Variants in LRRC4C observed in about 807,000 individuals in gnomAD.
LRRC4C encodes the protein leucine-rich repeat-containing protein 4C.
LRRC4C carries 5 observed loss-of-function variants against 33.6 expected under a neutral mutation model. That is an observed-to-expected ratio of 0.15 (90% CI 0.08 to 0.31). The LOEUF (loss-of-function observed/expected upper bound fraction) is 0.31, where lower values mean the gene tolerates loss of function less well. Ranked by LOEUF, LRRC4C falls within the 10% of genes least tolerant of loss-of-function variation. LRRC4C has a pLI of 1.00. For synonymous variants in LRRC4C, 329 were observed against 302.0 expected, an observed-to-expected ratio of 1.09 and a Z score of -0.93; for missense variants, 560 against 796.7, an observed-to-expected ratio of 0.70 and a Z score of 3.58.
intron 1 of LRRC4C, among the ~76,000 whole-genome samples, chr11:40,934,417 C>T (rs896091577): frequency 3.9e-5 from 6 of 152,102 alleles, no homozygotes; most frequent in Non-Finnish European, 5.9e-5. Flanking sequence ...TGTGTGCACT[C>T]GTGTGTTTAC....
At chr11:41,021,214 A>AGTGTGTGTGT (rs540703685) in intron 1 of LRRC4C, among the ~76,000 whole-genome samples, 22 of 134,060 alleles carry the variant, frequency 1.6e-4, no homozygotes, top group African/African-American at 6.3e-4. Context: ...AGAGAGAGAG[A>AGTGTGTGTGT]GTGTGTGTGT....
chr11:40,761,931 A>G (rs1949234542), intron 2 of LRRC4C, among the ~76,000 whole-genome samples: 1 of 152,124 alleles, frequency 6.6e-6, no homozygotes, highest in Admixed American at 6.6e-5. Context: ...GTATACTACC[A>G]TTTTATCTAT....
chr11:40,755,853 A>G (rs141331781), intron 2 of LRRC4C, among the ~76,000 whole-genome samples: 2 of 152,224 alleles, frequency 1.3e-5, no homozygotes, highest in African/African-American at 4.8e-5. Context: ...TATATTTGTT[A>G]TGGGCTAAAT....
intron 2 of LRRC4C, among the ~76,000 whole-genome samples, chr11:40,917,743 C>T (rs1488611958): frequency 1.3e-5 from 2 of 152,010 alleles, no homozygotes; most frequent in Non-Finnish European, 2.9e-5. Context: ...TAAAGGAGAA[C>T]CACAGCATTC....
At chr11:40,353,441 G>A (rs2137103589) in intron 3 of LRRC4C, among the ~76,000 whole-genome samples, 1 of 152,186 alleles carries the variant, frequency 6.6e-6, no homozygotes, top group South Asian at 2.1e-4. Context: ...TTTCAGGCCA[G>A]GTGCAGTGGC....
intron 5 of LRRC4C, among the ~76,000 whole-genome samples, chr11:40,224,189 T>C (rs1250966596): frequency 6.6e-6 from 1 of 152,240 alleles, no homozygotes; most frequent in Non-Finnish European, 1.5e-5. Flanking sequence ...CTTTTTATTC[T>C]ATAGAGGCTG....
Position 40,298,978 on chromosome 11 carries a change from C to G in LRRC4C, c.-176+20650G>C, listed in dbSNP as rs144784718. 4.9e-4 allele frequency among the ~76,000 whole-genome samples: 74 copies of G among 152,258 alleles called. 1 individual carries two copies. Among genetic ancestry groups the G allele is most frequent in the African/African-American group, 1.1e-3 (45 of 41,556 alleles). On this transcript the variant is annotated intron_variant, in intron 4 of 6. Coordinates refer to ENST00000528697, the MANE Select transcript of LRRC4C (RefSeq NM_001258419.2). ...GGCAATTACAATTTGGATTACAATT[C>G]AAGATGAGATTTGGGTGGGGATGCA...
At chr11:40,888,053 G>A (rs891354177) in intron 2 of LRRC4C, among the ~76,000 whole-genome samples, 3 of 151,854 alleles carry the variant, frequency 2.0e-5, no homozygotes, top group Non-Finnish European at 4.4e-5. Flanking sequence ...CTACTTCACT[G>A]AGTCTCCATT....
chr11:40,359,265 C>G (rs1001159883), intron 3 of LRRC4C, among the ~76,000 whole-genome samples: 1 of 152,174 alleles, frequency 6.6e-6, no homozygotes, highest in African/African-American at 2.4e-5. Flanking sequence ...AGCCAAACAT[C>G]CTATCTTCTG....
At chr11:40,645,041 A>T (rs1227614138) in intron 3 of LRRC4C, among the ~76,000 whole-genome samples, 1 of 152,042 alleles carries the variant, frequency 6.6e-6, no homozygotes, top group Non-Finnish European at 1.5e-5. Flanking sequence ...ACATCTACAT[A>T]TTTGTATCTC....
At chr11:40,654,042 G>T (rs938882165) in intron 2 of LRRC4C, among the ~76,000 whole-genome samples, 1 of 152,182 alleles carries the variant, frequency 6.6e-6, no homozygotes, top group African/African-American at 2.4e-5. Context: ...AAGAATTGAG[G>T]TTGGGGAACC....
chr11:41,377,606 A>G (rs2137850437), intron 1 of LRRC4C, among the ~76,000 whole-genome samples: 1 of 152,304 alleles, frequency 6.6e-6, no homozygotes, highest in Admixed American at 6.5e-5. Flanking sequence ...ACAAGACAGA[A>G]CTGAATCTCA....
intron 1 of LRRC4C, among the ~76,000 whole-genome samples, chr11:41,330,951 C>A (rs1951275737): frequency 6.6e-6 from 1 of 152,052 alleles, no homozygotes; most frequent in Non-Finnish European, 1.5e-5. Flanking sequence ...TTCTCTTTGG[C>A]CTATGGCTCC....
intron 4 of LRRC4C, among the ~76,000 whole-genome samples, chr11:40,243,687 C>CTTTTTTT (rs1274780074): frequency 1.0e-4 from 12 of 117,178 alleles, no homozygotes; most frequent in East Asian, 2.4e-4. Flanking sequence ...AAACTTATAT[C>CTTTTTTT]TTTTTTTTTT....
intron 1 of LRRC4C, among the ~76,000 whole-genome samples, chr11:41,308,966 G>T (rs1428322205): frequency 6.6e-6 from 1 of 152,030 alleles, no homozygotes; most frequent in Non-Finnish European, 1.5e-5. Flanking sequence ...CAACACGCCC[G>T]GCTAATTTTG....
intron 3 of LRRC4C, among the ~76,000 whole-genome samples, chr11:40,325,256 T>C (rs1404362485): frequency 2.0e-5 from 3 of 152,208 alleles, no homozygotes; most frequent in Non-Finnish European, 4.4e-5. Context: ...TTCAACTTAT[T>C]AGAAACTACT....
chr11:40,514,285 T>C (rs1955467110), intron 3 of LRRC4C, among the ~76,000 whole-genome samples: 1 of 152,212 alleles, frequency 6.6e-6, no homozygotes, highest in Non-Finnish European at 1.5e-5. Context: ...AATAAGATGA[T>C]GCATGCAAAG....
intron 2 of LRRC4C, among the ~76,000 whole-genome samples, chr11:40,888,717 A>G (rs375444892): frequency 2.6e-5 from 4 of 152,100 alleles, no homozygotes; most frequent in South Asian, 4.1e-4. Flanking sequence ...TCAAACTTTT[A>G]GAGCATGATA....
intron 3 of LRRC4C, among the ~76,000 whole-genome samples, chr11:40,584,621 A>G (rs1412480268): frequency 2.6e-5 from 4 of 152,138 alleles, no homozygotes; most frequent in African/African-American, 9.7e-5. Flanking sequence ...AGGCATGGCT[A>G]TAATATCAGG....
Sources: allele counts gnomAD v4.1 joint callset (sites outside exome capture counted in the v4.1 genomes callset), GRCh38; gene constraint gnomAD v4.1.1; transcripts MANE v1.5; gene names NCBI Gene and HGNC (gene_info 2026-07-23, HGNC 2026-07-21).